Variants in CHN2 observed in about 807,000 individuals in gnomAD.
CHN2 encodes beta-chimaerin.
Under a neutral mutation model 56.3 loss-of-function variants are expected in CHN2, and 35 were observed. That is an observed-to-expected ratio of 0.62 (90% CI 0.47 to 0.82). CHN2 has a LOEUF of 0.82. Among genes scored for constraint, CHN2 ranks in the 40% least tolerant of loss-of-function variants. The pLI is 0.00. For synonymous variants in CHN2, 210 were observed against 212.8 expected (o/e 0.99, Z 0.12); for missense variants, 491 against 580.5 (o/e 0.85, Z 1.58).
At chr7:29,244,654 C>T (rs1787937113) in intron 1 of CHN2, among the ~76,000 whole-genome samples, 1 of 152,142 alleles carries the variant, frequency 6.6e-6, no homozygotes, top group African/African-American at 2.4e-5. Context: ...CTCCCTGGTA[C>T]TATGTGAACA....
chr7:29,211,193 C>T lies in CHN2; in HGVS notation c.49+16203C>T, dbSNP rs569574878. Among the ~76,000 whole-genome samples the T allele has an allele frequency of 5.9e-5, 9 of 151,882 alleles. No homozygotes were observed. The South Asian group carries it at 1.9e-3, about 32-fold the overall frequency. Reference sequence around the variant, plus strand: ...TCACGCCATTCTCCTGCCTCAGCCTCCTGAGGAGCTGGGACTAAAGGCGCC... The same window carrying T: ...TCACGCCATTCTCCTGCCTCAGCCTTCTGAGGAGCTGGGACTAAAGGCGCC... On this transcript the variant is annotated intron_variant, in intron 1 of 12. Coordinates refer to ENST00000222792, the MANE Select transcript of CHN2 (RefSeq NM_004067.4).
In CHN2 at chr7:29,351,143, C is replaced by A. The variant is rs568754361; in HGVS notation, c.50-3482C>A. ...AAAAAAAAAAAAATTCCCACAGTGC[C>A]CCTAAGAGATAGATTATGAGATAGG... On this transcript the variant is annotated intron_variant, in intron 1 of 12. Transcript: ENST00000222792. Among the ~76,000 whole-genome samples the A allele has an allele frequency of 1.5e-4, 23 of 150,290 alleles. 1 individual carries two copies. The South Asian group carries it at 4.9e-3, about 32-fold the overall frequency.
At chr7:29,450,794 A>G (rs541486025) in intron 6 of CHN2, among the ~76,000 whole-genome samples, 8 of 150,044 alleles carry the variant, frequency 5.3e-5, no homozygotes, top group Non-Finnish European at 7.4e-5. Flanking sequence ...TTTTTTTGAG[A>G]TGGAGTCTTG....
chr7:29,510,994 G>A (rs1215973986), intron 12 of CHN2, among the ~76,000 whole-genome samples: 4 of 152,100 alleles, frequency 2.6e-5, no homozygotes, highest in Admixed American at 2.6e-4. Context: ...TCGATGAATT[G>A]GTGTTATAAC....
chr7:29,513,572 T>C lies in CHN2; in HGVS notation c.*837T>C, dbSNP rs1054713518. On this transcript the variant is annotated 3_prime_UTR_variant, in exon 13 of 13. Transcript: ENST00000222792. ...AATGCGGTCATTTTACCTGAAATTA[T>C]TTGAGAACACTGGATGTATCTGGTC... is the stretch of plus-strand genomic sequence containing the variant. The C allele has an allele frequency of 2.0e-5, 3 of 151,760 alleles. No homozygotes were observed. Among genetic ancestry groups the C allele is most frequent in the African/African-American group, 7.3e-5 (3 of 41,224 alleles). The allele number at this position is 151,760 out of a possible 1,614,324, so 9.4% of individuals were successfully genotyped here.
intron 11 of CHN2, among the ~76,000 whole-genome samples, chr7:29,507,838 TATA>T (rs1489151330): frequency 6.6e-6 from 1 of 152,308 alleles, no homozygotes; most frequent in East Asian, 1.9e-4. Context: ...TTTAAAATCT[TATA>T]ATGTTTTAAG....
chr7:29,384,157 T>C (rs4719970), intron 3 of CHN2, among the ~76,000 whole-genome samples: 71,911 of 151,938 alleles, frequency 0.47, 16,997 homozygotes, highest in East Asian at 0.57. Flanking sequence ...TGATGAGTAC[T>C]AATCAGTCTA....
intron 2 of CHN2, among the ~76,000 whole-genome samples, chr7:29,357,827 GA>G (rs1798421226): frequency 6.6e-6 from 1 of 152,196 alleles, no homozygotes; most frequent in African/African-American, 2.4e-5. Context: ...AAAGCTATCA[GA>G]ATATTGAATT....
At chr7:29,305,814 G>A (rs1262830637) in intron 1 of CHN2, among the ~76,000 whole-genome samples, 2 of 149,478 alleles carry the variant, frequency 1.3e-5, no homozygotes, top group Non-Finnish European at 3.0e-5. Flanking sequence ...CTTCCTCCTC[G>A]TCTTTCTCCT....
intron 7 of CHN2, among the ~76,000 whole-genome samples, chr7:29,491,239 TA>T (rs2128560337): frequency 6.6e-6 from 1 of 152,336 alleles, no homozygotes; most frequent in South Asian, 2.1e-4. Context: ...AAAGGATTTT[TA>T]AAATGTTATC....
At chr7:29,179,999 C>G (rs954604425) in intron 2 of CHN2, among the ~76,000 whole-genome samples, 1 of 152,158 alleles carries the variant, frequency 6.6e-6, no homozygotes, top group African/African-American at 2.4e-5. Flanking sequence ...TTATATTTCC[C>G]TGCAGACAGT....
At chr7:29,275,713 CAG>C (rs1791142235) in intron 1 of CHN2, among the ~76,000 whole-genome samples, 1 of 152,118 alleles carries the variant, frequency 6.6e-6, no homozygotes, top group African/African-American at 2.4e-5. Flanking sequence ...TGAGGTCTCT[CAG>C]GGCCTCTCAG....
chr7:29,379,662 G>A (rs1433642644), intron 3 of CHN2, among the ~76,000 whole-genome samples: 3 of 152,084 alleles, frequency 2.0e-5, no homozygotes, highest in South Asian at 2.1e-4. Context: ...ATTATAAAAC[G>A]TCAAGAAGAA....
chr7:29,221,152 C>G (rs940926768), intron 1 of CHN2, among the ~76,000 whole-genome samples: 1 of 152,132 alleles, frequency 6.6e-6, no homozygotes, highest in Non-Finnish European at 1.5e-5. Flanking sequence ...TAAATGATTT[C>G]TCCGAGTTTG....
intron 3 of CHN2, among the ~76,000 whole-genome samples, chr7:29,382,667 A>T (rs1401424371): frequency 6.6e-6 from 1 of 152,222 alleles, no homozygotes; most frequent in East Asian, 1.9e-4. Flanking sequence ...CATAAAAGCC[A>T]ACAATCCCAA....
chr7:29,318,259 G>C lies in CHN2; in HGVS notation c.50-36366G>C, dbSNP rs534288733. 9.8e-5 allele frequency among the ~76,000 whole-genome samples: 15 copies of C among 152,304 alleles called. No individual in the cohort carries two copies. In the South Asian group the frequency reaches 2.7e-3, roughly 27 times the overall value. On this transcript the variant is annotated intron_variant, in intron 1 of 12. Coordinates refer to ENST00000222792, the MANE Select transcript of CHN2 (RefSeq NM_004067.4). Reference sequence around the variant, plus strand: ...ACAGACCAACTCCTGGCCTCCACTTGTTTTTGCAAATAAAGTTTTATTGGA... The same window carrying C: ...ACAGACCAACTCCTGGCCTCCACTTCTTTTTGCAAATAAAGTTTTATTGGA...
chr7:29,166,187 C>T (rs939019797), intron 2 of CHN2, among the ~76,000 whole-genome samples: 1 of 152,082 alleles, frequency 6.6e-6, no homozygotes, highest in Non-Finnish European at 1.5e-5. Flanking sequence ...TGTGCCACCA[C>T]ATCCAGTTTT....
intron 1 of CHN2, among the ~76,000 whole-genome samples, chr7:29,334,943 A>C (rs2128907773): frequency 6.6e-6 from 1 of 152,354 alleles, no homozygotes; most frequent in East Asian, 1.9e-4. Context: ...CATTGTTTCT[A>C]AGACATTACT....
At chr7:29,436,645 CA>C (rs1232054999) in intron 6 of CHN2, among the ~76,000 whole-genome samples, 1 of 152,004 alleles carries the variant, frequency 6.6e-6, no homozygotes, top group Non-Finnish European at 1.5e-5. Context: ...TGACACCCCC[CA>C]AAAAAGTATT....
Sources: allele counts gnomAD v4.1 joint callset (sites outside exome capture counted in the v4.1 genomes callset), GRCh38; gene constraint gnomAD v4.1.1; transcripts MANE v1.5; gene names NCBI Gene and HGNC (gene_info 2026-07-23, HGNC 2026-07-21).